The following SIRPB2 variants were observed in gnomAD, a reference collection of about 807,000 sequenced individuals.
SIRPB2 encodes signal-regulatory protein beta-2.
A neutral mutation model predicts 27.1 loss-of-function variants in SIRPB2; 18 were observed. The ratio of observed to expected loss-of-function variants is 0.66; its 90% CI spans 0.46 to 0.98. The LOEUF (loss-of-function observed/expected upper bound fraction) is 0.98. SIRPB2 is among the 50% of genes least tolerant of loss of function. The pLI is 0.00. For synonymous variants in SIRPB2, 150 were observed against 164.6 expected, an observed-to-expected ratio of 0.91 and a Z score of 0.68; for missense variants, 420 against 417.4, an observed-to-expected ratio of 1.01 and a Z score of -0.06.
At chr20:1,482,024 G>T (rs1181363261) in intron 1 of SIRPB2, among the ~76,000 whole-genome samples, 1 of 152,050 alleles carries the variant, frequency 6.6e-6, no homozygotes, top group Non-Finnish European at 1.5e-5. Context: ...AGAAAGAAGT[G>T]TTCTGGTCCA....
chr20:1,490,177 C>A (rs1169024348), intron 1 of SIRPB2, among the ~76,000 whole-genome samples: 4 of 152,160 alleles, frequency 2.6e-5, no homozygotes, highest in Admixed American at 2.6e-4. Flanking sequence ...TGGAATGAGA[C>A]CTAGCAATTA....
rs754131701 is a variant in SIRPB2 at position 1,479,875 on chromosome 20, G to T, written c.276C>A (p.Phe92Leu). ...QEIYNFKRGS[F>L]PGVMPMIQRT... is the part of the protein sequence containing the mutation. Reference sequence around the variant, plus strand: ...GTTGGATCATGGGCATTACCCCAGGGAAGGAGCCACGTTTAAAGTTATAAA... The same window carrying T: ...GTTGGATCATGGGCATTACCCCAGGTAAGGAGCCACGTTTAAAGTTATAAA... The change falls in exon 2 of 5, where the codon TTC (phenylalanine) becomes TTA (leucine). Residue 92 changes from phenylalanine (F) to leucine (L), a missense_variant. Coordinates refer to ENST00000359801, the MANE Select transcript of SIRPB2 (RefSeq NM_001122962.2). 1 of 1,614,222 alleles carries T rather than the reference G, an allele frequency of 6.2e-7. No individual in the cohort carries two copies. Among genetic ancestry groups the T allele is most frequent in the Non-Finnish European group, 8.5e-7 (1 of 1,180,046 alleles).
chr20:1,473,704 G>A (rs544010885), downstream of SIRPB2: 4 of 372,298 alleles, frequency 1.1e-5, no homozygotes, highest in Non-Finnish European at 2.2e-5. Context: ...TACAGGATCT[G>A]GGGAGATGAG....
intron 1 of SIRPB2, among the ~76,000 whole-genome samples, chr20:1,486,160 C>T (rs915818471): frequency 2.0e-5 from 3 of 151,616 alleles, no homozygotes; most frequent in African/African-American, 7.3e-5. Context: ...CCAACCTCTG[C>T]CTCCCAGGTT....
chr20:1,476,159 C>T lies in SIRPB2; in HGVS notation c.*8G>A. On this transcript the variant is annotated 3_prime_UTR_variant, in exon 5 of 5. Transcript: ENST00000359801. The stretch of plus-strand genomic sequence containing the variant: ...AACTCAGAGGGTCCTCACTCTGGGG[C>T]TGACCCCTCACTCTTGACCCTTGCT... 1 of 1,612,686 alleles carries T rather than the reference C, an allele frequency of 6.2e-7. No individual in the cohort carries two copies. The highest frequency in any genetic ancestry group is 8.5e-7 in the Non-Finnish European group (1 of 1,179,520).
chr20:1,487,273 G>A (rs184268132), intron 1 of SIRPB2, among the ~76,000 whole-genome samples: 2 of 152,052 alleles, frequency 1.3e-5, no homozygotes, highest in Non-Finnish European at 2.9e-5. Flanking sequence ...AACTGAAAAT[G>A]TATAAGCCAT....
At chr20:1,491,189 T>G in intron 1 of SIRPB2, 86 bp downstream of exon 1, 1 of 1,254,744 alleles carries the variant, frequency 8.0e-7, no homozygotes, top group Non-Finnish European at 1.1e-6. Flanking sequence ...GGGGTCAAGC[T>G]TCTTCAGGCA....
Position 1,476,175 on chromosome 20 carries a change from G to A in SIRPB2, c.1021C>T (p.Gln341Ter), listed in dbSNP as rs1416025811. 3.7e-6 allele frequency: 6 copies of A among 1,613,570 alleles called. No homozygotes were observed. Among genetic ancestry groups the A allele is most frequent in the Non-Finnish European group, 5.1e-6 (6 of 1,179,888 alleles). Residue 341 changes from glutamine (Q) to a stop codon, truncating the protein, a stop_gained, in exon 5 of 5, where the codon CAA becomes TAA. Coordinates refer to ENST00000359801, the MANE Select transcript of SIRPB2 (RefSeq NM_001122962.2). LOFTEE classifies it high-confidence loss of function. ...ACTCTGGGGCTGACCCCTCACTCTTGACCCTTGCTCCATGCTAAGGTGTTC... is the reference window on the plus strand; with the variant it reads ...ACTCTGGGGCTGACCCCTCACTCTTAACCCTTGCTCCATGCTAAGGTGTTC... The part of the protein sequence containing the change: ...AMNTLAWSKG[Q>*]E
intron 1 of SIRPB2, among the ~76,000 whole-genome samples, chr20:1,481,341 A>G (rs904077220): frequency 1.1e-4 from 16 of 152,152 alleles, no homozygotes; most frequent in African/African-American, 3.6e-4. Flanking sequence ...CGAGATGAGA[A>G]AGAAAACGAA....
At chr20:1,473,830 G>T (rs1245876861), downstream of SIRPB2, 1 of 456,286 alleles carries the variant, frequency 2.2e-6, no homozygotes, top group South Asian at 1.5e-5. Flanking sequence ...CTTTCCTGCT[G>T]TTTCAGCTTC....
chr20:1,473,999 C>T, downstream of SIRPB2: 1 of 399,826 alleles, frequency 2.5e-6, no homozygotes, highest in East Asian at 7.2e-5. Flanking sequence ...TTGATTCTTC[C>T]AGCTTCTGGT....
At chr20:1,471,121 T>G (rs904241072), downstream of SIRPB2, 1 of 152,252 alleles carries the variant, frequency 6.6e-6, no homozygotes, top group Non-Finnish European at 1.5e-5. Flanking sequence ...AACTGAAGAT[T>G]CCCGCACTTC....
At chr20:1,487,255 G>A (rs1008654427) in intron 1 of SIRPB2, among the ~76,000 whole-genome samples, 2 of 151,974 alleles carry the variant, frequency 1.3e-5, no homozygotes, top group African/African-American at 4.8e-5. Flanking sequence ...AAATGTAAAG[G>A]AACTGCAAAC....
At chr20:1,484,839 A>G (rs1276197113) in intron 1 of SIRPB2, among the ~76,000 whole-genome samples, 2 of 152,210 alleles carry the variant, frequency 1.3e-5, no homozygotes, top group Non-Finnish European at 2.9e-5. Context: ...TCAACAAACT[A>G]AAAATAGAAA....
rs149135702 is a variant in SIRPB2 at position 1,491,338 on chromosome 20, G to A, written c.22C>T (p.Pro8Ser). 8.1e-6 allele frequency: 13 copies of A among 1,610,286 alleles called. No homozygotes were observed. The East Asian group carries it at 2.5e-4, about 31-fold the overall frequency. Reference protein sequence around the residue: MCSTMSAPTCLAHLPPCF... With the variant: MCSTMSASTCLAHLPPCF... ...GGAGGCAAGTGGGCCAGGCAGGTGGGGGCCGACATCGTGGAGCACATGGCA... is the reference window on the plus strand; with the variant it reads ...GGAGGCAAGTGGGCCAGGCAGGTGGAGGCCGACATCGTGGAGCACATGGCA... Residue 8 changes from proline to serine, a missense_variant, in exon 1 of 5, where the codon CCC (proline) becomes TCC (serine). Pro to Ser is a moderately conservative substitution (Grantham distance 74). Coordinates refer to ENST00000359801, the MANE Select transcript of SIRPB2 (RefSeq NM_001122962.2).
chr20:1,472,280 C>G (rs932029976), downstream of SIRPB2, among the ~76,000 whole-genome samples: 1 of 152,200 alleles, frequency 6.6e-6, no homozygotes, highest in African/African-American at 2.4e-5. Context: ...GCAGGTTTCC[C>G]AGAGTCCCCA....
At chr20:1,477,531 C>G in intron 3 of SIRPB2, 128 bp from the exon 4 acceptor site, 1 of 1,471,960 alleles carries the variant, frequency 6.8e-7, no homozygotes, top group East Asian at 2.3e-5. Context: ...AGAAGTCAAA[C>G]CCTGCAGCTA....
rs1018338660 is a variant in SIRPB2 at position 1,478,621 on chromosome 20, G to A, written c.452-14C>T. ...GGTCCCCAGCTCCTGAAGCCAAAGA[G>A]GAGGTCCTTGTTGAATTCCCTCTCC... On this transcript the variant is annotated splice_polypyrimidine_tract_variant and intron_variant, in intron 2 of 4. Transcript: ENST00000359801. 9 of 1,540,064 alleles carry A rather than the reference G, an allele frequency of 5.8e-6. No homozygotes were observed. Among genetic ancestry groups the A allele is most frequent in the Non-Finnish European group, 7.0e-6 (8 of 1,140,682 alleles).
In SIRPB2 at chr20:1,475,778, G is replaced by GTCA; in HGVS notation, c.*388_*389insTGA. 6.6e-6 allele frequency: 1 copy of GTCA among 150,780 alleles called. No individual in the cohort carries two copies. Among genetic ancestry groups the GTCA allele is most frequent in the Non-Finnish European group, 1.4e-5 (1 of 70,590 alleles). The allele number at this position is 150,780 out of a possible 1,614,324, so 9.3% of individuals were successfully genotyped here. On this transcript the variant is annotated 3_prime_UTR_variant, in exon 5 of 5. Coordinates refer to ENST00000359801, the MANE Select transcript of SIRPB2 (RefSeq NM_001122962.2). ...ATGGAGGGGCACAGATGGTCTGGCT[G>GTCA]GTTGAGTTCAGAGATTCTTACAGAC...
Sources: gnomAD v4.1 joint callset for allele counts (sites outside exome capture counted in the v4.1 genomes callset) on GRCh38, gnomAD v4.1.1 for gene constraint, MANE v1.5 for transcripts, NCBI Gene and HGNC (gene_info 2026-07-23, HGNC 2026-07-21) for gene names.